Variants in PRKCZ observed in about 807,000 individuals in gnomAD.
PRKCZ encodes protein kinase C zeta type.
PRKCZ carries 33 observed loss-of-function variants against 79.5 expected under a neutral mutation model. The ratio of observed to expected loss-of-function variants is 0.41; its 90% CI spans 0.31 to 0.55. The LOEUF (loss-of-function observed/expected upper bound fraction) is 0.55, where lower values mean the gene tolerates loss of function less well. PRKCZ is among the 20% of genes least tolerant of loss of function. The pLI is 0.19. For missense variants in PRKCZ, 578 were observed against 813.5 expected (o/e 0.71, Z 3.52); for synonymous variants, 342 against 320.9 (o/e 1.07, Z -0.70).
At chr1:2,175,054 G>A (rs1283319459) in intron 15 of PRKCZ, among the ~76,000 whole-genome samples, 170 bp from the exon 16 acceptor site, 2 of 152,134 alleles carry the variant, frequency 1.3e-5, no homozygotes, top group Non-Finnish European at 2.9e-5. Flanking sequence ...ATGGAACGGA[G>A]CTTAACGTAC....
rs1557502243 is a variant in PRKCZ, at chr1:2,075,777, CGGGGT to C, written c.334+16187_334+16191del. On this transcript the variant is annotated intron_variant, in intron 4 of 17. Transcript: ENST00000378567. This position sits in a 1 kb window ranked among gnomAD's most constrained non-coding sequence, Gnocchi z 4.8. ...CACACTGGGTGCCCCAGACCTTCCA[CGGGGT>C]CTGGTGGGGACCTGCCAGGGCTGTC... 2.0e-5 allele frequency among the ~76,000 whole-genome samples: 3 copies of C among 152,224 alleles called. No homozygotes were observed. Among genetic ancestry groups the C allele is most frequent in the African/African-American group, 4.8e-5 (2 of 41,462 alleles).
intron 4 of PRKCZ, among the ~76,000 whole-genome samples, chr1:2,071,010 C>T (rs947889505): frequency 7.1e-6 from 1 of 140,560 alleles, no homozygotes; most frequent in African/African-American, 2.8e-5. Context: ...GGGTGCTGGG[C>T]CCGGGGCTAC....
chr1:2,130,998 A>G (rs548731391), intron 4 of PRKCZ, among the ~76,000 whole-genome samples: 31 of 152,248 alleles, frequency 2.0e-4, no homozygotes, highest in Admixed American at 1.3e-4. Context: ...CCCTCCCGCA[A>G]GCAGTGCCAG....
At chr1:2,106,486 A>ATGCGTGT (rs1557574092) in intron 4 of PRKCZ, among the ~76,000 whole-genome samples, 3 of 112,618 alleles carry the variant, frequency 2.7e-5, no homozygotes, top group African/African-American at 3.7e-5. Context: ...GAGGACCTCC[A>ATGCGTGT]CACGTGTCAC....
chr1:2,156,881 TAGTC>T (rs1349885154), intron 10 of PRKCZ, among the ~76,000 whole-genome samples: 29 of 152,340 alleles, frequency 1.9e-4, no homozygotes, highest in Non-Finnish European at 3.5e-4. Context: ...AGCATTGCGT[TAGTC>T]AGGGTTCTCC....
chr1:2,058,950 A>G (rs544075060), intron 3 of PRKCZ, among the ~76,000 whole-genome samples: 48 of 152,122 alleles, frequency 3.2e-4, no homozygotes, highest in Non-Finnish European at 5.7e-4. Flanking sequence ...CAATACTTTT[A>G]TGTGTATACA....
In PRKCZ at chr1:2,175,972, G is replaced by A. The variant is rs149094723; in HGVS notation, c.1575+659G>A. Among the ~76,000 whole-genome samples the A allele has an allele frequency of 8.2e-4, 125 of 152,308 alleles. 1 individual carries two copies. The highest frequency in any genetic ancestry group is 3.0e-3 in the African/African-American group (123 of 41,560). On this transcript the variant is annotated intron_variant, in intron 16 of 17. Transcript: ENST00000378567. ...GGGCGTTTGCTTTGGTTTCATGGCC[G>A]GTTTTATCAGCAGTTACTGGACAGG...
chr1:2,048,566 C>T (rs1362028518), upstream of PRKCZ, among the ~76,000 whole-genome samples: 2 of 152,092 alleles, frequency 1.3e-5, no homozygotes, highest in Non-Finnish European at 2.9e-5. Flanking sequence ...GAGGAGCTGG[C>T]CTTCCCTCCA....
chr1:2,156,307 A>G (rs1445793543), intron 10 of PRKCZ: 1 of 469,996 alleles, frequency 2.1e-6, no homozygotes, highest in South Asian at 2.1e-5. Context: ...CCATTTACGA[A>G]ATACTTACTG....
At chr1:2,184,555 C>G (rs1385391304) in intron 16 of PRKCZ, 28 bp from the exon 17 acceptor site, 4 of 1,585,876 alleles carry the variant, frequency 2.5e-6, no homozygotes, top group Non-Finnish European at 3.5e-6. Context: ...CCGCGCGGAG[C>G]TGACCCTTCT....
chr1:2,059,424 A>G, intron 3 of PRKCZ, 117 bp from the exon 4 acceptor site: 1 of 1,240,162 alleles, frequency 8.1e-7, no homozygotes, highest in Non-Finnish European at 1.2e-6. Context: ...TGGCAGTGCC[A>G]CGTGCGCCTT....
chr1:2,141,148 CAA>C (rs943654332), intron 5 of PRKCZ: 8 of 152,116 alleles, frequency 5.3e-5, no homozygotes, highest in Admixed American at 1.3e-4. Context: ...AGATTTGAAA[CAA>C]GAGCTTTTGA....
intron 4 of PRKCZ, among the ~76,000 whole-genome samples, chr1:2,078,387 G>A (rs532020724): frequency 2.4e-4 from 36 of 152,312 alleles, no homozygotes; most frequent in African/African-American, 6.0e-4. Context: ...TCTGCATTTC[G>A]AAGGGATCGC....
intron 4 of PRKCZ, among the ~76,000 whole-genome samples, chr1:2,080,230 G>A (rs1334216850): frequency 3.5e-5 from 5 of 144,122 alleles, no homozygotes; most frequent in Admixed American, 3.3e-4. Context: ...ATGTGTTTGA[G>A]CTGCTGTGTC....
intron 4 of PRKCZ, among the ~76,000 whole-genome samples, chr1:2,119,602 T>C (rs568896811): frequency 1.6e-4 from 25 of 152,284 alleles, no homozygotes; most frequent in African/African-American, 5.8e-4. Context: ...ATTCTACGTG[T>C]ATTTCAGACC....
At position 2,094,886 on chromosome 1, in the gene PRKCZ, C is replaced by T. The variant is rs572797597; in HGVS notation, c.334+35295C>T. Reference sequence around the variant, plus strand: ...CACTTCTCTTAGAGCCTGGTTTTGGCCCTCTCTCTCCTGCCTATAAAAAGC... The same window carrying T: ...CACTTCTCTTAGAGCCTGGTTTTGGTCCTCTCTCTCCTGCCTATAAAAAGC... On this transcript the variant is annotated intron_variant, in intron 4 of 17. Transcript: ENST00000378567. The surrounding 1 kb of genome is among the most constrained non-coding windows in gnomAD (Gnocchi z 7.3). Among the ~76,000 whole-genome samples, 8 of 152,308 alleles carry T rather than the reference C, an allele frequency of 5.3e-5. No homozygotes were observed. The highest frequency in any genetic ancestry group is 2.1e-4 in the South Asian group (1 of 4,830).
chr1:2,078,689 TG>T (rs1233321105), intron 4 of PRKCZ, among the ~76,000 whole-genome samples: 1 of 152,206 alleles, frequency 6.6e-6, no homozygotes, highest in East Asian at 1.9e-4. Context: ...CCTCCCAGGC[TG>T]GTCCTTTAAT....
At chr1:2,115,851 A>G (rs1290577529) in intron 4 of PRKCZ, among the ~76,000 whole-genome samples, 1 of 152,092 alleles carries the variant, frequency 6.6e-6, no homozygotes, top group Non-Finnish European at 1.5e-5. Context: ...TGGTATATTC[A>G]CCAACTCGGA....
chr1:2,066,331 T>A lies in PRKCZ; in HGVS notation c.334+6740T>A, dbSNP rs576825514. On this transcript the variant is annotated intron_variant, in intron 4 of 17. Coordinates refer to ENST00000378567, the MANE Select transcript of PRKCZ (RefSeq NM_002744.6). ...CCTGTGAAGACATCAGTCCCTGGGC[T>A]TTGCTTTGTTGGGAGGTTCTCTTTC... Among the ~76,000 whole-genome samples, 110 of 152,270 alleles carry A rather than the reference T, an allele frequency of 7.2e-4. 2 individuals carry two copies. In the South Asian group the frequency reaches 0.022, roughly 31 times the overall value.
Sources: gnomAD v4.1 joint callset for allele counts (sites outside exome capture counted in the v4.1 genomes callset) on GRCh38, gnomAD v4.1.1 for gene constraint, Gnocchi (gnomAD v3.1) non-coding constraint, MANE v1.5 for transcripts, NCBI Gene and HGNC (gene_info 2026-07-23, HGNC 2026-07-21) for gene names.